The following NPRL3 variants were observed in gnomAD, a reference collection of about 807,000 sequenced individuals.
NPRL3 encodes NPR3 like, GATOR1 complex subunit, also known as GATOR1 complex protein NPRL3.
NPRL3 carries 23 observed loss-of-function variants against 57.2 expected under a neutral mutation model. The observed-to-expected ratio is 0.40, with a 90% CI of 0.29 to 0.57. NPRL3 has a LOEUF of 0.57. Among genes scored for constraint, NPRL3 ranks in the 20% least tolerant of loss-of-function variants. The pLI is 0.42. For missense variants in NPRL3, 691 were observed against 767.1 expected (o/e 0.90, Z 1.17); for synonymous variants, 333 against 321.1 (o/e 1.04, Z -0.39).
Position 93,281 on chromosome 16 carries a change from G to A in NPRL3, c.969C>T (p.Ile323=). Residue 323 remains isoleucine, a synonymous_variant, in exon 10 of 14, where the codon ATC becomes ATT. Transcript: ENST00000611875. ...TGTTCTCACACAGCGGGTAGATGAT[G>A]ATGGCCTTGCCCCAGTACACCAGAT... ...AAHLVYWGKA[I]IIYPLCENNV... 3 of 1,561,154 alleles carry A rather than the reference G, an allele frequency of 1.9e-6. No individual in the cohort carries two copies. The highest frequency in any genetic ancestry group is 2.6e-6 in the Non-Finnish European group (3 of 1,152,502).
intron 2 of NPRL3, among the ~76,000 whole-genome samples, chr16:131,066 G>A (rs1237811413): frequency 3.3e-5 from 5 of 152,256 alleles, no homozygotes; most frequent in African/African-American, 1.2e-4. Context: ...AAGGCACGGT[G>A]GCCCGTGCCT....
intron 2 of NPRL3, among the ~76,000 whole-genome samples, chr16:135,071 C>T (rs1004432175): frequency 5.9e-5 from 9 of 152,122 alleles, no homozygotes; most frequent in African/African-American, 2.2e-4. Context: ...AAAATAGATC[C>T]AAGTAAACGT....
At chr16:136,284 A>T (rs1020032586) in intron 2 of NPRL3, among the ~76,000 whole-genome samples, 1 of 152,262 alleles carries the variant, frequency 6.6e-6, no homozygotes, top group African/African-American at 2.4e-5. Flanking sequence ...GGTAAGAAGG[A>T]CAAGGGTGCT....
At position 137,451 on chromosome 16, in the gene NPRL3, G is replaced by A. The variant is rs536416249; in HGVS notation, c.118+699C>T. On this transcript the variant is annotated intron_variant, in intron 2 of 13. Coordinates refer to ENST00000611875, the MANE Select transcript of NPRL3 (RefSeq NM_001077350.3). ...GTTCCCTTTTCCTGTGGATAGATCTGCATCTATGCACAGGGCAGACAACTC... is the reference window on the plus strand; with the variant it reads ...GTTCCCTTTTCCTGTGGATAGATCTACATCTATGCACAGGGCAGACAACTC... Among the ~76,000 whole-genome samples the A allele has an allele frequency of 2.6e-5, 4 of 152,246 alleles. No individual in the cohort carries two copies. The South Asian group carries it at 8.3e-4, about 32-fold the overall frequency.
chr16:92,754 G>A, intron 10 of NPRL3, 29 bp from the exon 11 acceptor site: 1 of 1,610,696 alleles, frequency 6.2e-7, no homozygotes, highest in Non-Finnish European at 8.5e-7. Flanking sequence ...GCCAGTGAGT[G>A]CAGCAGACCC....
chr16:119,765 C>T (rs1271990431), intron 3 of NPRL3, among the ~76,000 whole-genome samples: 1 of 152,250 alleles, frequency 6.6e-6, no homozygotes, highest in Admixed American at 6.5e-5. Flanking sequence ...GCGCTGACTT[C>T]CTTCCTCATA....
At chr16:106,069 G>A (rs1022657825) in intron 7 of NPRL3, among the ~76,000 whole-genome samples, 6 of 152,210 alleles carry the variant, frequency 3.9e-5, no homozygotes, top group Admixed American at 1.3e-4. Flanking sequence ...CTAGCACTTT[G>A]GGAGGTCGAG....
chr16:121,619 C>CA (rs113477626), intron 3 of NPRL3, among the ~76,000 whole-genome samples: 56,159 of 143,310 alleles, frequency 0.39, 11,148 homozygotes, highest in South Asian at 0.57. Flanking sequence ...AACTCCGTCT[C>CA]AAAAAAAAAA....
At chr16:127,459 A>T (rs1900574219) in intron 3 of NPRL3, among the ~76,000 whole-genome samples, 1 of 151,828 alleles carries the variant, frequency 6.6e-6, no homozygotes, top group African/African-American at 2.4e-5. Flanking sequence ...GTTCTCAAAC[A>T]TCTGGCCTCA....
At chr16:124,450 C>G (rs2541611) in intron 3 of NPRL3, among the ~76,000 whole-genome samples, 12,853 of 152,016 alleles carry the variant, frequency 0.085, 1,797 homozygotes, top group African/African-American at 0.29. Context: ...ATCCTCCTGC[C>G]TCGGCCTCCC....
intron 5 of NPRL3, among the ~76,000 whole-genome samples, chr16:116,861 G>A (rs1044209898): frequency 7.1e-5 from 10 of 141,492 alleles, no homozygotes; most frequent in Admixed American, 2.4e-4. Context: ...TGTAATCCCA[G>A]CTACTCGGGA....
Position 119,203 on chromosome 16 carries a change from C to T in NPRL3, c.241G>A (p.Gly81Ser), listed in dbSNP as rs1362999615. ...TCAATCTTCAGTTCAAATTTTTGGC[C>T]ACACATTTCAGACTTGGTTGCCAAA... ...TILATKSEMC[G>S]QKFELKIDNV... The change falls in exon 4 of 14, where the codon GGC becomes AGC. Residue 81 changes from glycine to serine, a missense_variant. Coordinates refer to ENST00000611875, the MANE Select transcript of NPRL3 (RefSeq NM_001077350.3). The T allele has an allele frequency of 6.2e-7, 1 of 1,612,004 alleles. No homozygotes were observed. The highest frequency in any genetic ancestry group is 8.5e-7 in the Non-Finnish European group (1 of 1,179,012).
chr16:124,416 G>A (rs2141970073), intron 3 of NPRL3, among the ~76,000 whole-genome samples: 1 of 151,568 alleles, frequency 6.6e-6, no homozygotes, highest in Non-Finnish European at 1.5e-5. Flanking sequence ...ACTCAAGCTG[G>A]TCTCATACTC....
chr16:126,287 G>C (rs1470652028), intron 3 of NPRL3: 1 of 151,536 alleles, frequency 6.6e-6, no homozygotes, highest in Non-Finnish European at 1.5e-5. Flanking sequence ...CGGGTGCAGT[G>C]GTTCACGCCT....
chr16:130,761 T>G (rs979398491), intron 2 of NPRL3, among the ~76,000 whole-genome samples, 170 bp from the exon 3 acceptor site: 1 of 152,344 alleles, frequency 6.6e-6, no homozygotes, highest in Admixed American at 6.5e-5. Context: ...GACAACATCA[T>G]GCTGAATAAG....
intron 12 of NPRL3, chr16:89,207 C>T (rs1052403917): frequency 2.7e-6 from 1 of 373,396 alleles, no homozygotes; most frequent in African/African-American, 2.0e-5. Flanking sequence ...GACAAAGCAC[C>T]CTGGGCAGGT....
intron 3 of NPRL3, among the ~76,000 whole-genome samples, chr16:127,871 AG>A (rs1295050351): frequency 2.1e-5 from 3 of 143,618 alleles, no homozygotes; most frequent in Non-Finnish European, 4.4e-5. Context: ...AGCCAGGATG[AG>A]TCTCGATCTC....
chr16:88,387 CAAAAAA>C (rs56670370), intron 13 of NPRL3, among the ~76,000 whole-genome samples: 286 of 130,848 alleles, frequency 2.2e-3, no homozygotes, highest in East Asian at 3.6e-3. Flanking sequence ...GACTCCGTCT[CAAAAAA>C]AAAAAAAAAA....
chr16:100,098 C>G (rs1596508109), intron 8 of NPRL3, among the ~76,000 whole-genome samples: 1 of 152,084 alleles, frequency 6.6e-6, no homozygotes. Flanking sequence ...CCGGCCTCCC[C>G]AAGGACACTC....
Sources: allele counts gnomAD v4.1 joint callset (sites outside exome capture counted in the v4.1 genomes callset), GRCh38; gene constraint gnomAD v4.1.1; transcripts MANE v1.5; gene names NCBI Gene and HGNC (gene_info 2026-07-23, HGNC 2026-07-21).